INSL6: variants seen among roughly 807,000 people sequenced by gnomAD.
The protein encoded by INSL6 is insulin like 6.
In INSL6, 16 loss-of-function variants were observed where a neutral mutation model predicts 9.4. The ratio of observed to expected loss-of-function variants is 1.70; its 90% CI spans 1.15 to 2.59. The LOEUF (loss-of-function observed/expected upper bound fraction) is 2.59. INSL6 is among the 30% of genes most tolerant of loss of function. INSL6 has a pLI of 0.00. For missense variants in INSL6, 391 were observed against 257.3 expected, an observed-to-expected ratio of 1.52 and a Z score of -3.56; for synonymous variants, 154 against 96.9, an observed-to-expected ratio of 1.59 and a Z score of -3.46.
chr9:5,038,385 AAT>A, the INSL6 span, among the ~76,000 whole-genome samples: 1 of 152,142 alleles, frequency 6.6e-6, no homozygotes, highest in Non-Finnish European at 1.5e-5. Flanking sequence ...ATTCACAAAA[AAT>A]AGAAAAGGAA....
chr9:5,145,510 T>G (rs2130890330), intron 2 of INSL6, among the ~76,000 whole-genome samples: 1 of 152,330 alleles, frequency 6.6e-6, no homozygotes, highest in South Asian at 2.1e-4. Context: ...CCTGTCTTGC[T>G]AGGTTGGGAA....
At chr9:5,173,852 G>GTTTA (rs1160012760) in intron 1 of INSL6, among the ~76,000 whole-genome samples, 1 of 151,738 alleles carries the variant, frequency 6.6e-6, no homozygotes, top group Non-Finnish European at 1.5e-5. Context: ...TATCAACTTA[G>GTTTA]TTTACCATGT....
chr9:5,058,466 C>T, the INSL6 span, among the ~76,000 whole-genome samples: 1 of 152,094 alleles, frequency 6.6e-6, no homozygotes, highest in Non-Finnish European at 1.5e-5. Flanking sequence ...GGAAACAACC[C>T]CCATGATTCA....
chr9:5,150,427 T>C (rs10974984), intron 2 of INSL6, among the ~76,000 whole-genome samples: 63,109 of 151,964 alleles, frequency 0.42, 15,865 homozygotes, highest in African/African-American at 0.72. Context: ...TTAAAAATTG[T>C]GCAAAGGACA....
intron 1 of INSL6, among the ~76,000 whole-genome samples, chr9:5,168,994 C>G (rs144357490): frequency 0.014 from 2,136 of 151,606 alleles, 41 homozygotes; most frequent in African/African-American, 0.048. Flanking sequence ...GGCATCATCT[C>G]GGCTCACTGC....
chr9:5,064,149 C>G, the INSL6 span, among the ~76,000 whole-genome samples: 1 of 151,578 alleles, frequency 6.6e-6, no homozygotes, highest in African/African-American at 2.4e-5. Context: ...GAGCAAGACT[C>G]TGACTGGGCG....
chr9:5,129,278 GT>G (rs1402038231), intron 3 of INSL6, among the ~76,000 whole-genome samples: 1 of 152,016 alleles, frequency 6.6e-6, no homozygotes, highest in African/African-American at 2.4e-5. Flanking sequence ...TAGTGATGTA[GT>G]AAATATTCAG....
the INSL6 span, among the ~76,000 whole-genome samples, chr9:5,009,845 A>T: frequency 6.6e-6 from 1 of 151,048 alleles, no homozygotes; most frequent in South Asian, 2.1e-4. Flanking sequence ...AACCTAGCTC[A>T]CTGCAGGCTC....
chr9:5,112,078 AG>A, the INSL6 span: 2 of 387,320 alleles, frequency 5.2e-6, no homozygotes, highest in Admixed American at 2.9e-5. Flanking sequence ...CTGGAGAGTA[AG>A]ATAGAAGACC....
At position 5,185,468 on chromosome 9, in the gene INSL6, G is replaced by A. The variant is rs141353328; in HGVS notation, c.135C>T (p.Cys45=). ...GGAACTGGCTCCAGTTGGCATGGCC[G>A]CAGAGTTTTTCTATTTCTTTCACCA... The part of the protein sequence containing the change: ...RYLVKEIEKL[C]GHANWSQFRF... Residue 45 remains cysteine (C), a synonymous_variant, in exon 1 of 2, where the codon TGC becomes TGT. Transcript: ENST00000381641. 3.0e-4 allele frequency: 483 copies of A among 1,614,140 alleles called. No homozygotes were observed. In the African/African-American group the frequency reaches 5.4e-3, roughly 18 times the overall value.
the INSL6 span, chr9:5,090,311 C>A: frequency 1.9e-6 from 1 of 535,312 alleles, no homozygotes; most frequent in South Asian, 6.8e-5. Flanking sequence ...ACAACTATAT[C>A]ACCTTTAATG....
intron 1 of INSL6, among the ~76,000 whole-genome samples, chr9:5,175,946 G>A (rs1450559587): frequency 6.6e-6 from 1 of 152,038 alleles, no homozygotes; most frequent in Non-Finnish European, 1.5e-5. Flanking sequence ...AACGTAATGC[G>A]CTTGGATCAT....
At chr9:5,019,284 A>T in the INSL6 span, among the ~76,000 whole-genome samples, 1 of 151,954 alleles carries the variant, frequency 6.6e-6, no homozygotes, top group Non-Finnish European at 1.5e-5. Flanking sequence ...ATTTCAGAAG[A>T]CCTGTCTTCA....
At chr9:5,032,286 G>A in the INSL6 span, among the ~76,000 whole-genome samples, 4 of 152,244 alleles carry the variant, frequency 2.6e-5, no homozygotes, top group Admixed American at 1.3e-4. Flanking sequence ...ACAGCTCAAG[G>A]AGGCCTGCCG....
At chr9:5,095,655 A>C in the INSL6 span, among the ~76,000 whole-genome samples, 957 of 152,226 alleles carry the variant, frequency 6.3e-3, 2 homozygotes, top group South Asian at 0.013. Flanking sequence ...TTATATTTCA[A>C]ATTTTCCCAT....
the INSL6 span, chr9:5,096,860 A>C: frequency 1.5e-4 from 23 of 152,242 alleles, no homozygotes; most frequent in African/African-American, 5.3e-4. Context: ...AATTTGTCAT[A>C]ATCTTCTTTA....
At chr9:5,062,871 T>C in the INSL6 span, among the ~76,000 whole-genome samples, 2 of 152,180 alleles carry the variant, frequency 1.3e-5, no homozygotes, top group Non-Finnish European at 2.9e-5. Flanking sequence ...TTTATACTTC[T>C]GTGGATTGCC....
chr9:5,101,701 T>C, the INSL6 span, among the ~76,000 whole-genome samples: 4 of 152,194 alleles, frequency 2.6e-5, no homozygotes, highest in Non-Finnish European at 5.9e-5. Context: ...GCAGCAACAT[T>C]GGCTGTTCTG....
chr9:5,064,710 G>A, the INSL6 span, among the ~76,000 whole-genome samples: 1 of 152,070 alleles, frequency 6.6e-6, no homozygotes, highest in Admixed American at 6.6e-5. Flanking sequence ...GTATTTAGGA[G>A]GATCTTAAAT....
Sources: allele counts gnomAD v4.1 joint callset (sites outside exome capture counted in the v4.1 genomes callset), GRCh38; gene constraint gnomAD v4.1.1; transcripts MANE v1.5; gene names NCBI Gene and HGNC (gene_info 2026-07-23, HGNC 2026-07-21).